Variants in BTG4 observed in about 807,000 individuals in gnomAD.
BTG4 encodes the protein protein BTG4.
BTG4 carries 10 observed loss-of-function variants against 19.3 expected under a neutral mutation model. The ratio of observed to expected loss-of-function variants is 0.52; its 90% CI spans 0.32 to 0.88. BTG4 has a LOEUF of 0.88. Among genes scored for constraint, BTG4 ranks in the 40% least tolerant of loss-of-function variants. BTG4 has a pLI of 0.04. For synonymous variants in BTG4, 91 were observed against 95.7 expected (o/e 0.95, Z 0.29); for missense variants, 238 against 281.9 (o/e 0.84, Z 1.11).
intron 5 of BTG4, among the ~76,000 whole-genome samples, chr11:111,471,805 C>T (rs913289626): frequency 4.6e-5 from 7 of 152,210 alleles, no homozygotes; most frequent in Non-Finnish European, 1.0e-4. Context: ...GTCCAAAACG[C>T]AATTTTTAAT....
At chr11:111,451,496 T>G in the BTG4 span, 60 of 421,258 alleles carry the variant, frequency 1.4e-4, no homozygotes, top group East Asian at 2.9e-3. Context: ...CCAGGTGTGG[T>G]GGCTCACACC....
chr11:111,504,113 C>A (rs959244442), intron 1 of BTG4, among the ~76,000 whole-genome samples: 6 of 152,048 alleles, frequency 3.9e-5, no homozygotes, highest in African/African-American at 1.4e-4. Context: ...CCCCTCCATT[C>A]ACAAATACAT....
the BTG4 span, among the ~76,000 whole-genome samples, chr11:111,436,831 G>A: frequency 4.6e-5 from 7 of 152,178 alleles, no homozygotes; most frequent in East Asian, 3.9e-4. Flanking sequence ...TCGAGCGAGC[G>A]CCGTTTGTTT....
At chr11:111,507,333 C>T (rs1866525527) in intron 1 of BTG4, among the ~76,000 whole-genome samples, 2 of 152,062 alleles carry the variant, frequency 1.3e-5, no homozygotes, top group South Asian at 2.1e-4. Flanking sequence ...CTTAAAATTA[C>T]TTTTATAAAC....
chr11:111,432,900 C>T, the BTG4 span, among the ~76,000 whole-genome samples: 1 of 151,724 alleles, frequency 6.6e-6, no homozygotes, highest in South Asian at 2.1e-4. Flanking sequence ...GTATGTTGCC[C>T]AGGCTGGTCT....
At chr11:111,423,763 T>C in the BTG4 span, among the ~76,000 whole-genome samples, 1 of 152,134 alleles carries the variant, frequency 6.6e-6, no homozygotes, top group East Asian at 1.9e-4. Flanking sequence ...AATTAAGGCA[T>C]AGAAAGATGA....
the BTG4 span, among the ~76,000 whole-genome samples, chr11:111,409,579 G>A: frequency 2.6e-5 from 4 of 152,106 alleles, no homozygotes; most frequent in Admixed American, 6.6e-5. Context: ...CCAAGCAGAC[G>A]CCAGCACCAT....
the BTG4 span, among the ~76,000 whole-genome samples, chr11:111,447,483 G>A: frequency 5.9e-5 from 9 of 152,300 alleles, no homozygotes; most frequent in East Asian, 3.9e-4. Flanking sequence ...TTTCACACAC[G>A]GAGAGTACTT....
At chr11:111,485,674 A>G (rs1239111866) in intron 5 of BTG4, among the ~76,000 whole-genome samples, 2 of 152,320 alleles carry the variant, frequency 1.3e-5, no homozygotes, top group East Asian at 1.9e-4. Flanking sequence ...CAATCTAACA[A>G]TGCATCCTTG....
chr11:111,499,275 G>A (rs1591520485), intron 1 of BTG4, among the ~76,000 whole-genome samples: 3 of 152,166 alleles, frequency 2.0e-5, no homozygotes, highest in South Asian at 4.1e-4. Flanking sequence ...AAAAGTGGGC[G>A]AGACTTAGAA....
Position 111,497,394 on chromosome 11 carries a change from G to T in BTG4, c.327C>A (p.Asn109Lys). 1.5e-6 allele frequency: 2 copies of T among 1,377,092 alleles called. No homozygotes were observed. Among genetic ancestry groups the T allele is most frequent in the Non-Finnish European group, 1.9e-6 (2 of 1,059,338 alleles). 85.3% of individuals were successfully genotyped at this position (1,377,092 alleles called of 1,614,324 possible). A position where few individuals can be genotyped will look rare whatever the true frequency, so the allele number is the denominator to read the frequency against. ...TAAAAGAAGCAACTGTAAATGGATG[G>T]TTTTTCTCACCATACCTAAGTAGGA... is the stretch of plus-strand genomic sequence containing the variant. ...FEVCCRYGEKNHPFTVASFKG... is the reference protein window; with the variant it reads ...FEVCCRYGEKKHPFTVASFKG... The change falls in exon 4 of 5, where the codon AAC becomes AAA. Residue 109 changes from asparagine (N) to lysine (K), a missense_variant. Transcript: ENST00000692032.
the BTG4 span, among the ~76,000 whole-genome samples, chr11:111,411,202 C>T: frequency 6.6e-6 from 1 of 152,116 alleles, no homozygotes; most frequent in East Asian, 1.9e-4. Flanking sequence ...CATTCTGACC[C>T]ACACCCTAAT....
the BTG4 span, chr11:111,415,980 G>C: frequency 3.3e-5 from 5 of 152,504 alleles, no homozygotes; most frequent in African/African-American, 1.2e-4. Flanking sequence ...GGAGGTCGAG[G>C]CTGCAGGGAG....
chr11:111,506,562 G>A (rs970469251), intron 1 of BTG4, among the ~76,000 whole-genome samples: 7 of 151,808 alleles, frequency 4.6e-5, no homozygotes, highest in African/African-American at 7.3e-5. Flanking sequence ...AGCCCAACAC[G>A]CAACATTATG....
At chr11:111,386,790 G>A in the BTG4 span, among the ~76,000 whole-genome samples, 3 of 152,196 alleles carry the variant, frequency 2.0e-5, no homozygotes, top group Non-Finnish European at 4.4e-5. Context: ...GAAGCCCATT[G>A]TTGCCTTCAG....
intron 4 of BTG4, chr11:111,496,933 A>C (rs1328808104): frequency 2.6e-6 from 1 of 378,832 alleles, no homozygotes; most frequent in Non-Finnish European, 4.7e-6. Flanking sequence ...ATTCTGTAGG[A>C]ATTTAAGTGG....
chr11:111,454,886 G>C, the BTG4 span: 1 of 423,970 alleles, frequency 2.4e-6, no homozygotes, highest in Non-Finnish European at 4.8e-6. Context: ...AGCAGGGGGC[G>C]CTGCAATCAC....
the BTG4 span, chr11:111,385,565 C>T: frequency 3.3e-5 from 5 of 151,800 alleles, no homozygotes; most frequent in African/African-American, 1.2e-4. Flanking sequence ...ACTAATACAT[C>T]ATGATATAAT....
chr11:111,441,129 T>TC, the BTG4 span, among the ~76,000 whole-genome samples: 85 of 143,298 alleles, frequency 5.9e-4, no homozygotes, highest in South Asian at 7.5e-3. Flanking sequence ...TTTTTTTTTT[T>TC]CACAAATACA....
Sources: allele counts gnomAD v4.1 joint callset (sites outside exome capture counted in the v4.1 genomes callset), GRCh38; gene constraint gnomAD v4.1.1; transcripts MANE v1.5; gene names NCBI Gene and HGNC (gene_info 2026-07-23, HGNC 2026-07-21).